Variants in ANKRD27 observed in about 807,000 individuals in gnomAD.
ANKRD27 encodes ankyrin repeat domain 27.
Under a neutral mutation model 129.7 loss-of-function variants are expected in ANKRD27, and 112 were observed. That is an observed-to-expected ratio of 0.86 (90% CI 0.74 to 1.01). ANKRD27 has a LOEUF of 1.01. Among genes scored for constraint, ANKRD27 ranks in the 50% least tolerant of loss-of-function variants. The pLI is 0.00. For missense variants in ANKRD27, 1,258 were observed against 1,300.5 expected (o/e 0.97, Z 0.50); for synonymous variants, 516 against 511.2 (o/e 1.01, Z -0.13).
At chr19:32,599,506 T>G (rs940747702) in intron 28 of ANKRD27, among the ~76,000 whole-genome samples, 198 bp downstream of exon 28, 1 of 152,204 alleles carries the variant, frequency 6.6e-6, no homozygotes, top group African/African-American at 2.4e-5. Context: ...TGCTCAGAAA[T>G]GTACTTTTAG....
rs1451607054 is a variant in ANKRD27, at chr19:32,597,797, C to T, written c.*348G>A. On this transcript the variant is annotated 3_prime_UTR_variant, in exon 29 of 29. Transcript: ENST00000306065. ...TACACAGGTCAGAGAGGTTTAGCAC[C>T]TTTTGGGAGGAGGAGGTCAGAATGC... 1 of 333,110 alleles carries T rather than the reference C, an allele frequency of 3.0e-6. No homozygotes were observed. The highest frequency in any genetic ancestry group is 5.7e-6 in the Non-Finnish European group (1 of 173,974). The allele number at this position is 333,110 out of a possible 1,614,324, so 20.6% of individuals were successfully genotyped here. A position where few individuals can be genotyped will look rare whatever the true frequency, so the allele number is the denominator to read the frequency against.
intron 4 of ANKRD27, among the ~76,000 whole-genome samples, chr19:32,645,205 G>A (rs578127568): frequency 7.2e-5 from 11 of 151,934 alleles, no homozygotes; most frequent in African/African-American, 1.2e-4. Flanking sequence ...TGAGGTCAAG[G>A]GATCAAGACC....
At chr19:32,627,405 TATTTA>T in intron 15 of ANKRD27, among the ~76,000 whole-genome samples, 1 of 34,818 alleles carries the variant, frequency 2.9e-5, no homozygotes, top group Non-Finnish European at 6.6e-5. Context: ...TTTATTTATT[TATTTA>T]TTTTTTGAGA....
chr19:32,656,388 T>C (rs1967537960), intron 2 of ANKRD27, among the ~76,000 whole-genome samples: 1 of 152,204 alleles, frequency 6.6e-6, no homozygotes, highest in Admixed American at 6.5e-5. Context: ...CCACCTTGCG[T>C]CCCGTACTTT....
chr19:32,632,393 C>T (rs1362403580), intron 12 of ANKRD27, among the ~76,000 whole-genome samples: 1 of 151,954 alleles, frequency 6.6e-6, no homozygotes, highest in Non-Finnish European at 1.5e-5. Flanking sequence ...TGAGACCAGC[C>T]TGGCCAACAT....
chr19:32,646,970 C>A (rs534810797), intron 3 of ANKRD27, among the ~76,000 whole-genome samples: 2 of 152,224 alleles, frequency 1.3e-5, no homozygotes, highest in African/African-American at 2.4e-5. Flanking sequence ...GCACTACAGG[C>A]ACCCACCACC....
At chr19:32,619,906 G>C (rs866325650) in intron 18 of ANKRD27, among the ~76,000 whole-genome samples, 1 of 152,148 alleles carries the variant, frequency 6.6e-6, no homozygotes, top group African/African-American at 2.4e-5. Context: ...CTGTCCACAG[G>C]CATGAGGTGT....
chr19:32,617,588 C>A lies in ANKRD27; in HGVS notation c.2052+1G>T. On this transcript the variant is annotated splice_donor_variant, in intron 21 of 28. Coordinates refer to ENST00000306065, the MANE Select transcript of ANKRD27 (RefSeq NM_032139.3). LOFTEE classifies it high-confidence loss of function. ...AATAAAAAGCACTTCTAAAAACTCA[C>A]CATTTCTAGATCTCCATCAGCAACT... 1 of 755,772 alleles carries A rather than the reference C, an allele frequency of 1.3e-6. No individual in the cohort carries two copies. The allele number at this position is 755,772 out of a possible 1,614,324, so 46.8% of individuals were successfully genotyped here.
intron 1 of ANKRD27, among the ~76,000 whole-genome samples, chr19:32,674,634 C>T (rs1466768052): frequency 2.6e-5 from 4 of 152,108 alleles, no homozygotes; most frequent in African/African-American, 9.6e-5. Context: ...CATCACCCCC[C>T]GGAAACCACA....
chr19:32,603,812 T>TA (rs1401045749), intron 25 of ANKRD27, among the ~76,000 whole-genome samples: 4 of 152,274 alleles, frequency 2.6e-5, no homozygotes, highest in Non-Finnish European at 2.9e-5. Flanking sequence ...GTGCTGGGAT[T>TA]ACAGGCATGA....
chr19:32,635,047 T>C (rs1203214400), intron 12 of ANKRD27, among the ~76,000 whole-genome samples: 1 of 152,208 alleles, frequency 6.6e-6, no homozygotes, highest in East Asian at 1.9e-4. Flanking sequence ...CGATGTATAC[T>C]GTTTGGTCAG....
chr19:32,625,761 A>C (rs1172570551), intron 17 of ANKRD27, 113 bp downstream of exon 17: 1 of 915,572 alleles, frequency 1.1e-6, no homozygotes, highest in Non-Finnish European at 1.5e-6. Context: ...AAAAATTTAC[A>C]CACCCAATGT....
intron 4 of ANKRD27, among the ~76,000 whole-genome samples, chr19:32,645,655 C>T (rs259223): frequency 0.08 from 12,154 of 151,274 alleles, 549 homozygotes; most frequent in Middle Eastern, 0.15. Flanking sequence ...TTTTTTGAGG[C>T]GTAGTCTTAC....
chr19:32,673,345 C>T (rs1311325375), intron 1 of ANKRD27: 4 of 986,236 alleles, frequency 4.1e-6, no homozygotes, highest in Non-Finnish European at 4.8e-6. Flanking sequence ...CCAAGGCCTA[C>T]GGGCTGTGCC....
At chr19:32,655,749 G>A (rs1218275052) in intron 2 of ANKRD27, among the ~76,000 whole-genome samples, 1 of 152,082 alleles carries the variant, frequency 6.6e-6, no homozygotes. Flanking sequence ...CGGACACAGT[G>A]GCTCACGCCT....
At chr19:32,659,194 G>A (rs944521450) in intron 1 of ANKRD27, 149 bp from the exon 2 acceptor site, 13 of 551,882 alleles carry the variant, frequency 2.4e-5, no homozygotes, top group African/African-American at 9.9e-5. Flanking sequence ...GCTGGAGCGC[G>A]GCTCAGCCTC....
intron 13 of ANKRD27, among the ~76,000 whole-genome samples, chr19:32,629,447 C>T (rs565359896): frequency 1.3e-5 from 2 of 152,218 alleles, no homozygotes; most frequent in South Asian, 4.2e-4. Context: ...CGCCTATAAT[C>T]CCAGCACTTT....
chr19:32,619,664 C>A, intron 18 of ANKRD27, 111 bp from the exon 19 acceptor site: 1 of 1,343,562 alleles, frequency 7.4e-7, no homozygotes, highest in Non-Finnish European at 1.1e-6. Context: ...AATGTCAGTG[C>A]AGTGAGCCTT....
intron 3 of ANKRD27, among the ~76,000 whole-genome samples, chr19:32,648,894 A>C (rs530987444): frequency 6.6e-6 from 1 of 152,124 alleles, no homozygotes; most frequent in East Asian, 1.9e-4. Context: ...GGGGGGAAGC[A>C]CATTTAAGAG....
Sources: gnomAD v4.1 joint callset for allele counts (sites outside exome capture counted in the v4.1 genomes callset) on GRCh38, gnomAD v4.1.1 for gene constraint, MANE v1.5 for transcripts, NCBI Gene and HGNC (gene_info 2026-07-23, HGNC 2026-07-21) for gene names.